PDE1A: variants seen among roughly 807,000 people sequenced by gnomAD.
PDE1A encodes the protein phosphodiesterase 1A, also known as dual specificity calcium/calmodulin-dependent 3',5'-cyclic nucleotide phosphodiesterase 1A.
A neutral mutation model predicts 61.7 loss-of-function variants in PDE1A; 35 were observed. The observed-to-expected ratio is 0.57, with a 90% confidence interval of 0.43 to 0.75. The LOEUF (loss-of-function observed/expected upper bound fraction) is 0.75, where lower values mean the gene tolerates loss of function less well. Among genes scored for constraint, PDE1A ranks in the 30% least tolerant of loss-of-function variants. PDE1A has a pLI of 0.00. For synonymous variants in PDE1A, 232 were observed against 213.2 expected (o/e 1.09, Z -0.77); for missense variants, 597 against 630.6 (o/e 0.95, Z 0.57).
At chr2:182,632,648 C>T in the PDE1A span, among the ~76,000 whole-genome samples, 7 of 152,040 alleles carry the variant, frequency 4.6e-5, no homozygotes, top group African/African-American at 1.7e-4. Flanking sequence ...CTGGTTTTTA[C>T]AAAGATAGGA....
chr2:182,384,313 A>C (rs907347752), intron 1 of PDE1A, among the ~76,000 whole-genome samples: 6 of 152,192 alleles, frequency 3.9e-5, no homozygotes, highest in African/African-American at 1.4e-4. Flanking sequence ...GATTGACCCT[A>C]AAAAATGAAA....
At chr2:182,586,737 G>A in the PDE1A span, among the ~76,000 whole-genome samples, 1 of 152,086 alleles carries the variant, frequency 6.6e-6, no homozygotes, top group African/African-American at 2.4e-5. Context: ...TAGTAGGCAA[G>A]ATCAATGGCC....
intron 2 of PDE1A, among the ~76,000 whole-genome samples, chr2:182,456,936 G>C (rs1685962490): frequency 1.3e-5 from 2 of 152,030 alleles, no homozygotes; most frequent in Admixed American, 6.6e-5. Context: ...TTGCAGGATG[G>C]ATAGCATCTC....
At chr2:182,553,709 A>C in the PDE1A span, among the ~76,000 whole-genome samples, 1 of 152,254 alleles carries the variant, frequency 6.6e-6, no homozygotes, top group Non-Finnish European at 1.5e-5. Context: ...GACTTCTCAC[A>C]GGAGGTTTCA....
At chr2:182,310,593 T>C (rs1271608804) in intron 1 of PDE1A, among the ~76,000 whole-genome samples, 1 of 152,176 alleles carries the variant, frequency 6.6e-6, no homozygotes, top group Non-Finnish European at 1.5e-5. Context: ...GTAAACGAGA[T>C]GTATTTAACG....
intron 1 of PDE1A, among the ~76,000 whole-genome samples, chr2:182,343,145 T>C (rs2125051673): frequency 1.0e-5 from 1 of 98,854 alleles, no homozygotes; most frequent in East Asian, 3.1e-4. Context: ...AATCAGTTCA[T>C]CCACTTAGAG....
In PDE1A at chr2:182,503,005, TTCTC is replaced by T. The variant is rs145626816; in HGVS notation, c.101+19267_101+19270del. 2.9e-4 allele frequency among the ~76,000 whole-genome samples: 37 copies of T among 127,476 alleles called. 1 individual carries two copies. The highest frequency in any genetic ancestry group is 7.5e-4 in the South Asian group (3 of 3,996). The allele number at this position is 127,476 out of a possible 152,430, so 83.6% of individuals were successfully genotyped here. On this transcript the variant is annotated intron_variant, in intron 2 of 14. Transcript: ENST00000410103. The stretch of plus-strand genomic sequence containing the variant: ...AGACCCAGTTGTTCAGGTTCTCTCT[TTCTC>T]TCTCTCTCTCTCCCCCTCCCCATTC...
At chr2:182,716,405 T>G in the PDE1A span, 2 of 152,320 alleles carry the variant, frequency 1.3e-5, no homozygotes, top group African/African-American at 4.8e-5. Flanking sequence ...ACGCGGTGCT[T>G]GGGCTCGGCC....
the PDE1A span, among the ~76,000 whole-genome samples, chr2:182,613,562 CAA>C: frequency 1.9e-4 from 18 of 94,040 alleles, no homozygotes; most frequent in Admixed American, 5.8e-4. Flanking sequence ...GACTCCATCT[CAA>C]AAAAAAAAAA....
At chr2:182,660,781 A>G in the PDE1A span, among the ~76,000 whole-genome samples, 8 of 152,334 alleles carry the variant, frequency 5.3e-5, no homozygotes, top group East Asian at 9.7e-4. Context: ...CGAACTTGTA[A>G]AAGGTCCCTA....
chr2:182,419,301 A>T (rs780704579), intron 1 of PDE1A, among the ~76,000 whole-genome samples: 2 of 151,744 alleles, frequency 1.3e-5, no homozygotes, highest in Admixed American at 6.6e-5. Flanking sequence ...GTTATGCTGT[A>T]GAGTATATTG....
chr2:182,234,385 T>C, intron 4 of PDE1A, 47 bp downstream of exon 4: 1 of 1,323,834 alleles, frequency 7.6e-7, no homozygotes, highest in South Asian at 1.2e-5. Context: ...TTAAGAGAAT[T>C]TTTTAAAATG....
chr2:182,312,722 C>T (rs1696066211), intron 1 of PDE1A, among the ~76,000 whole-genome samples: 2 of 151,990 alleles, frequency 1.3e-5, no homozygotes, highest in African/African-American at 2.4e-5. Flanking sequence ...ATCTTGAAAT[C>T]GGGTAGTGTC....
chr2:182,155,052 T>A (rs1690996158), intron 13 of PDE1A, among the ~76,000 whole-genome samples: 1 of 147,890 alleles, frequency 6.8e-6, no homozygotes, highest in East Asian at 1.9e-4. Flanking sequence ...GGCCCAAACA[T>A]GAATATAAAA....
chr2:182,165,371 G>C (rs1163204893), downstream of PDE1A, among the ~76,000 whole-genome samples: 1 of 152,138 alleles, frequency 6.6e-6, no homozygotes, highest in African/African-American at 2.4e-5. Context: ...TGACCCGGCT[G>C]CTTTGGGTTC....
chr2:182,164,477 G>A (rs1347281443), downstream of PDE1A, among the ~76,000 whole-genome samples: 2 of 152,130 alleles, frequency 1.3e-5, no homozygotes, highest in Admixed American at 1.3e-4. Flanking sequence ...TGTTCCATAT[G>A]AATACTCACC....
chr2:182,492,866 T>C (rs1484980799), intron 2 of PDE1A, among the ~76,000 whole-genome samples: 1 of 152,174 alleles, frequency 6.6e-6, no homozygotes, highest in Non-Finnish European at 1.5e-5. Context: ...GATATCCACA[T>C]ACTAAAAAGT....
At chr2:182,288,268 G>A (rs902623584) in intron 1 of PDE1A, among the ~76,000 whole-genome samples, 28 of 152,116 alleles carry the variant, frequency 1.8e-4, no homozygotes, top group African/African-American at 6.5e-4. Flanking sequence ...ACTTAGGCAA[G>A]TGAGGCCTAA....
intron 1 of PDE1A, among the ~76,000 whole-genome samples, chr2:182,304,854 G>C (rs62190528): frequency 0.34 from 50,954 of 151,978 alleles, 10,438 homozygotes; most frequent in Non-Finnish European, 0.47. Flanking sequence ...TAGTTTGCAA[G>C]AATTACTAAA....
Sources: gnomAD v4.1 joint callset for allele counts (sites outside exome capture counted in the v4.1 genomes callset) on GRCh38, gnomAD v4.1.1 for gene constraint, MANE v1.5 for transcripts, NCBI Gene and HGNC (gene_info 2026-07-23, HGNC 2026-07-21) for gene names.